The following MSRA variants were observed in gnomAD, a reference collection of about 807,000 sequenced individuals.
MSRA encodes the protein mitochondrial peptide methionine sulfoxide reductase.
Under a neutral mutation model 31.3 loss-of-function variants are expected in MSRA, and 54 were observed. The ratio of observed to expected loss-of-function variants is 1.73; its 90% CI spans 1.39 to 2.17. The LOEUF is 2.17. MSRA is among the 30% of genes most tolerant of loss of function. The probability of loss-of-function intolerance (pLI) is 0.00; values close to 1 mark genes in which losing one functional copy is unlikely to be tolerated. For synonymous variants in MSRA, 169 were observed against 116.5 expected, an observed-to-expected ratio of 1.45 and a Z score of -2.90; for missense variants, 507 against 300.9, an observed-to-expected ratio of 1.69 and a Z score of -5.07.
At chr8:10,424,166 C>T (rs1436625613) in intron 5 of MSRA, among the ~76,000 whole-genome samples, 2 of 152,206 alleles carry the variant, frequency 1.3e-5, no homozygotes, top group Non-Finnish European at 2.9e-5. Context: ...ATAGGAGTTC[C>T]TGCGATGGAA....
chr8:10,417,524 C>T (rs935779799), intron 5 of MSRA, among the ~76,000 whole-genome samples: 37 of 151,984 alleles, frequency 2.4e-4, no homozygotes, highest in Admixed American at 1.9e-3. Flanking sequence ...GTGGCTGAAC[C>T]GCAGGAGGTG....
chr8:10,236,255 G>A (rs1405297322), intron 2 of MSRA, among the ~76,000 whole-genome samples: 6 of 152,122 alleles, frequency 3.9e-5, no homozygotes, highest in Non-Finnish European at 1.5e-5. Context: ...AAGGTCCTAG[G>A]CCAATGCAAT....
intron 2 of MSRA, among the ~76,000 whole-genome samples, chr8:10,223,806 T>G (rs908661598): frequency 3.9e-5 from 6 of 152,066 alleles, no homozygotes; most frequent in Non-Finnish European, 7.4e-5. Flanking sequence ...TACAAAAGAT[T>G]TTGGGTGGGG....
chr8:10,421,441 C>A (rs968275341), intron 5 of MSRA, among the ~76,000 whole-genome samples: 1 of 152,114 alleles, frequency 6.6e-6, no homozygotes, highest in African/African-American at 2.4e-5. Context: ...TAACCTTGCC[C>A]ACTGGTGCCC....
rs145001871 is a variant in MSRA at position 10,095,064 on chromosome 8, C to T, written c.142+40406C>T. ...CTCCATAGGATAAAGCATGACATTT[C>T]TGGGCATACGGTTTTAATTTTAATC... On this transcript the variant is annotated intron_variant, in intron 1 of 5. Coordinates refer to ENST00000317173, the MANE Select transcript of MSRA (RefSeq NM_012331.5). Among the ~76,000 whole-genome samples the T allele has an allele frequency of 1.4e-3, 210 of 152,318 alleles. 1 individual carries two copies. The Middle Eastern group carries it at 0.017, about 12-fold the overall frequency.
intron 1 of MSRA, among the ~76,000 whole-genome samples, chr8:10,116,549 C>A (rs1283753521): frequency 6.6e-6 from 1 of 152,194 alleles, no homozygotes; most frequent in Non-Finnish European, 1.5e-5. Flanking sequence ...AGGCTGGTAG[C>A]CATCTAGATA....
intron 1 of MSRA, among the ~76,000 whole-genome samples, chr8:10,109,926 G>A (rs896462416): frequency 6.6e-6 from 1 of 152,172 alleles, no homozygotes; most frequent in South Asian, 2.1e-4. Context: ...TGAAAGATCA[G>A]TTGCCACAGT....
chr8:10,148,854 G>A (rs1001359338), intron 1 of MSRA, among the ~76,000 whole-genome samples: 1 of 148,514 alleles, frequency 6.7e-6, no homozygotes, highest in Non-Finnish European at 1.5e-5. Context: ...ATCATAACTT[G>A]TTGAGAAGTA....
intron 1 of MSRA, among the ~76,000 whole-genome samples, chr8:10,147,180 C>G (rs1253088341): frequency 6.6e-6 from 1 of 152,128 alleles, no homozygotes; most frequent in Non-Finnish European, 1.5e-5. Flanking sequence ...GACGGGTCCT[C>G]AGGTTTGAGC....
intron 5 of MSRA, among the ~76,000 whole-genome samples, chr8:10,411,931 G>A (rs1808183954): frequency 1.3e-5 from 2 of 152,234 alleles, no homozygotes; most frequent in African/African-American, 2.4e-5. Context: ...CCCCTGGGAA[G>A]GGAAAGGGTG....
chr8:10,382,749 C>G (rs990822005), intron 5 of MSRA, among the ~76,000 whole-genome samples: 1 of 152,220 alleles, frequency 6.6e-6, no homozygotes, highest in Non-Finnish European at 1.5e-5. Context: ...CATTTCTGGA[C>G]TCTTCTCCTT....
chr8:10,099,662 C>T (rs1029173387), intron 1 of MSRA, among the ~76,000 whole-genome samples: 3 of 152,174 alleles, frequency 2.0e-5, no homozygotes, highest in Non-Finnish European at 2.9e-5. Context: ...ACAAAAAGTA[C>T]TGTGCTTTCT....
At chr8:10,120,828 T>A (rs1487351385) in intron 1 of MSRA, among the ~76,000 whole-genome samples, 1 of 152,200 alleles carries the variant, frequency 6.6e-6, no homozygotes, top group African/African-American at 2.4e-5. Flanking sequence ...CCTACATGGT[T>A]TCGGCTTATT....
chr8:10,210,206 T>G (rs1424784823), intron 2 of MSRA, among the ~76,000 whole-genome samples: 1 of 152,168 alleles, frequency 6.6e-6, no homozygotes, highest in African/African-American at 2.4e-5. Context: ...GCAAAGCTGA[T>G]GGACTCATAT....
chr8:10,198,400 T>C (rs1253347156), intron 1 of MSRA, among the ~76,000 whole-genome samples: 1 of 152,152 alleles, frequency 6.6e-6, no homozygotes, highest in Non-Finnish European at 1.5e-5. Context: ...AAAGTACTCA[T>C]GGTCATACTT....
At chr8:10,193,228 C>G (rs10095187) in intron 1 of MSRA, among the ~76,000 whole-genome samples, 2 of 152,154 alleles carry the variant, frequency 1.3e-5, no homozygotes, top group Admixed American at 6.5e-5. Context: ...CCAAAAACAT[C>G]TGATCAGAAT....
At chr8:10,356,292 G>T (rs1292053822) in intron 5 of MSRA, among the ~76,000 whole-genome samples, 1 of 152,162 alleles carries the variant, frequency 6.6e-6, no homozygotes, top group Non-Finnish European at 1.5e-5. Flanking sequence ...TCTTTTTGTT[G>T]TAAAAAAAGA....
At chr8:10,176,588 G>T (rs1453010336) in intron 1 of MSRA, among the ~76,000 whole-genome samples, 1 of 152,218 alleles carries the variant, frequency 6.6e-6, no homozygotes, top group Non-Finnish European at 1.5e-5. Context: ...AGCAGCAGAA[G>T]ACTTTAACTT....
intron 5 of MSRA, among the ~76,000 whole-genome samples, chr8:10,339,892 G>A (rs535527375): frequency 4.6e-5 from 7 of 152,154 alleles, no homozygotes; most frequent in African/African-American, 1.4e-4. Context: ...GGGAACATAA[G>A]GACCCTATGG....
Sources: gnomAD v4.1 joint callset for allele counts (sites outside exome capture counted in the v4.1 genomes callset) on GRCh38, gnomAD v4.1.1 for gene constraint, MANE v1.5 for transcripts, NCBI Gene and HGNC (gene_info 2026-07-23, HGNC 2026-07-21) for gene names.